The following DOCK1 variants were observed in gnomAD, a reference collection of about 807,000 sequenced individuals.
DOCK1 encodes the protein dedicator of cytokinesis 1.
DOCK1 carries 138 observed loss-of-function variants against 262.7 expected under a neutral mutation model. The ratio of observed to expected loss-of-function variants is 0.53; its 90% CI spans 0.46 to 0.61. The LOEUF (loss-of-function observed/expected upper bound fraction) is 0.61, where lower values mean the gene tolerates loss of function less well. Among genes scored for constraint, DOCK1 ranks in the 20% least tolerant of loss-of-function variants. The pLI, the probability that DOCK1 is intolerant of heterozygous loss-of-function variation, is 0.00. For synonymous variants in DOCK1, 866 were observed against 867.4 expected, an observed-to-expected ratio of 1.00 and a Z score of 0.03; for missense variants, 1,908 against 2,370.7, an observed-to-expected ratio of 0.80 and a Z score of 4.05.
intron 28 of DOCK1, among the ~76,000 whole-genome samples, chr10:127,256,751 C>G (rs1376789315): frequency 6.6e-6 from 1 of 152,156 alleles, no homozygotes; most frequent in Non-Finnish European, 1.5e-5. Context: ...TCTAAGACAT[C>G]AGAAGCATAA....
At chr10:127,051,217 A>G (rs891296988) in intron 21 of DOCK1, among the ~76,000 whole-genome samples, 3 of 152,008 alleles carry the variant, frequency 2.0e-5, no homozygotes, top group Non-Finnish European at 4.4e-5. Context: ...CAATTTATAA[A>G]TAAACAGACT....
intron 46 of DOCK1, among the ~76,000 whole-genome samples, chr10:127,421,297 G>A (rs539722538): frequency 1.8e-4 from 27 of 152,238 alleles, no homozygotes; most frequent in South Asian, 8.3e-4. Flanking sequence ...CCAATGAGAC[G>A]TCTTAGAGTG....
At position 126,941,523 on chromosome 10, in the gene DOCK1, A is replaced by G. The variant is rs1037783973; in HGVS notation, c.47-29179A>G. Among the ~76,000 whole-genome samples, 611 of 152,264 alleles carry G rather than the reference A, an allele frequency of 4.0e-3. 5 individuals carry two copies. Among genetic ancestry groups the G allele is most frequent in the East Asian group, 7.8e-3 (40 of 5,154 alleles). ...TGTAATCCCAGCACTGTGGGAGGCC[A>G]AGGCGGGCGGATCACGAGGTCAGGA... On this transcript the variant is annotated intron_variant, in intron 1 of 51. Transcript: ENST00000623213.
chr10:127,113,654 G>A (rs78756137), intron 25 of DOCK1, among the ~76,000 whole-genome samples: 6,503 of 152,130 alleles, frequency 0.043, 455 homozygotes, highest in African/African-American at 0.15. Context: ...CATGGAAACC[G>A]TAGGTGCATC....
In DOCK1 at chr10:127,404,380, A is replaced by G. The variant is rs775236644; in HGVS notation, c.4073A>G (p.Asp1358Gly). The change falls in exon 40 of 52, where the codon GAC (aspartate) becomes GGC (glycine). Residue 1358 changes from aspartate to glycine, a missense_variant. By Grantham distance (94) the Asp-to-Gly change is moderately conservative (BLOSUM62 -1). Transcript: ENST00000623213. ...GTCAAAGTGATCAGGCCCAAGCCTG[A>G]CTATTTTGCTGTTGGCTACTACGGA... ...NIVKVIRPKP[D>G]YFAVGYYGQG... The G allele has an allele frequency of 4.3e-6, 7 of 1,613,934 alleles. No individual in the cohort carries two copies. The highest frequency in any genetic ancestry group is 5.9e-6 in the Non-Finnish European group (7 of 1,179,876).
chr10:127,184,539 G>C (rs772345191), intron 27 of DOCK1, among the ~76,000 whole-genome samples: 3 of 139,604 alleles, frequency 2.1e-5, no homozygotes, highest in Non-Finnish European at 4.5e-5. Context: ...TGCACACGTC[G>C]CTTCTCTGTG....
At chr10:127,178,075 G>A (rs1407076950) in intron 27 of DOCK1, among the ~76,000 whole-genome samples, 1 of 152,080 alleles carries the variant, frequency 6.6e-6, no homozygotes, top group African/African-American at 2.4e-5. Flanking sequence ...CGAGGTGCAC[G>A]GTGGTTCCAT....
intron 8 of DOCK1, chr10:126,998,463 A>G (rs2040364261): frequency 9.5e-6 from 5 of 527,846 alleles, no homozygotes; most frequent in Non-Finnish European, 1.3e-5. Context: ...GTAGATTGCT[A>G]TTTGCTCGTA....
At chr10:127,239,168 T>C (rs1176677689) in intron 27 of DOCK1, among the ~76,000 whole-genome samples, 1 of 152,206 alleles carries the variant, frequency 6.6e-6, no homozygotes, top group Non-Finnish European at 1.5e-5. Context: ...CATTTATGAC[T>C]AAAATCACTT....
intron 1 of DOCK1, among the ~76,000 whole-genome samples, chr10:126,911,817 G>A (rs995862718): frequency 6.6e-6 from 1 of 152,150 alleles, no homozygotes; most frequent in African/African-American, 2.4e-5. Flanking sequence ...TTATGCAAAT[G>A]GATTGCATTT....
chr10:127,339,725 G>A (rs1375416518), intron 30 of DOCK1, among the ~76,000 whole-genome samples: 1 of 93,434 alleles, frequency 1.1e-5, no homozygotes. Context: ...GTGTGTGTGT[G>A]TGTGTGTGTG....
chr10:127,049,690 A>G (rs2044584600), intron 21 of DOCK1, among the ~76,000 whole-genome samples: 1 of 152,160 alleles, frequency 6.6e-6, no homozygotes, highest in African/African-American at 2.4e-5. Flanking sequence ...TAGTTTGAAC[A>G]CAGTCTCAAT....
rs758431011 is a variant in DOCK1 at position 127,175,835 on chromosome 10, A to G, written c.2847+48071A>G. The G allele has an allele frequency of 6.2e-7, 1 of 1,614,086 alleles. No individual in the cohort carries two copies. The highest frequency in any genetic ancestry group is 1.7e-5 in the Admixed American group (1 of 60,020). On this transcript the variant is annotated intron_variant, in intron 27 of 51. Coordinates refer to ENST00000623213, the MANE Select transcript of DOCK1 (RefSeq NM_001290223.2). This position sits in a 1 kb window ranked among gnomAD's most constrained non-coding sequence, Gnocchi z 6.3. ...AGGGCTCTGTGCAGTTGACCCCCAA[A>G]GGCTGGTCCACTGTGTTCATGTGTT...
intron 23 of DOCK1, among the ~76,000 whole-genome samples, chr10:127,074,128 A>G (rs1591912319): frequency 6.6e-6 from 1 of 152,242 alleles, no homozygotes; most frequent in Admixed American, 6.5e-5. Flanking sequence ...AATACTTGCA[A>G]AATTTCATTA....
chr10:127,361,300 G>T (rs141634745), intron 32 of DOCK1, among the ~76,000 whole-genome samples: 3 of 151,812 alleles, frequency 2.0e-5, no homozygotes, highest in African/African-American at 7.3e-5. Context: ...ATTTTTAGTA[G>T]AGACGGTGTC....
At chr10:126,943,980 T>A (rs1183076239) in intron 1 of DOCK1, among the ~76,000 whole-genome samples, 1 of 152,092 alleles carries the variant, frequency 6.6e-6, no homozygotes, top group Non-Finnish European at 1.5e-5. Context: ...GAGTGGATGA[T>A]TCTTGAAGGG....
intron 5 of DOCK1, chr10:126,988,231 C>G (rs563370139): frequency 6.6e-6 from 1 of 152,272 alleles, no homozygotes; most frequent in South Asian, 2.1e-4. Context: ...CGGGGCATTT[C>G]TTTGCACATA....
chr10:127,110,192 A>G (rs2048780199), intron 24 of DOCK1, 56 bp from the exon 25 acceptor site: 6 of 1,435,042 alleles, frequency 4.2e-6, no homozygotes, highest in Non-Finnish European at 5.8e-6. Flanking sequence ...TTGTAACAAC[A>G]TTGGATCCTT....
In DOCK1 at chr10:127,141,730, C is replaced by T. The variant is rs77314646; in HGVS notation, c.2847+13966C>T. On this transcript the variant is annotated intron_variant, in intron 27 of 51. Coordinates refer to ENST00000623213, the MANE Select transcript of DOCK1 (RefSeq NM_001290223.2). ...CACTTTTAGTCCCAGTTGCCCTGGA[C>T]TGCTTTGTTTTGGCCAAAAATTATG... 1.1e-3 allele frequency among the ~76,000 whole-genome samples: 162 copies of T among 151,930 alleles called. 1 individual carries two copies. In the East Asian group the frequency reaches 0.03, roughly 28 times the overall value.
Sources: allele counts gnomAD v4.1 joint callset (sites outside exome capture counted in the v4.1 genomes callset), GRCh38; gene constraint gnomAD v4.1.1; non-coding constraint Gnocchi (gnomAD v3.1); transcripts MANE v1.5; gene names NCBI Gene and HGNC (gene_info 2026-07-23, HGNC 2026-07-21).